BANK1: variants seen among roughly 807,000 people sequenced by gnomAD.
The protein encoded by BANK1 is B cell scaffold protein with ankyrin repeats 1.
In BANK1, 95 loss-of-function variants were observed where a neutral mutation model predicts 94.5. The observed-to-expected ratio is 1.00, with a 90% CI of 0.85 to 1.19. BANK1 has a LOEUF of 1.19. BANK1 is among the 50% of genes most tolerant of loss of function. The probability of loss-of-function intolerance (pLI) is 0.00; values close to 1 mark genes in which losing one functional copy is unlikely to be tolerated. For synonymous variants in BANK1, 334 were observed against 308.4 expected (o/e 1.08, Z -0.87); for missense variants, 987 against 932.2 (o/e 1.06, Z -0.77).
chr4:101,888,025 T>C (rs1000176838), intron 5 of BANK1, among the ~76,000 whole-genome samples: 2 of 152,224 alleles, frequency 1.3e-5, no homozygotes, highest in African/African-American at 4.8e-5. Context: ...AAACTATTTA[T>C]CAAATTTCAC....
chr4:101,903,913 G>C (rs1464378030), intron 6 of BANK1, among the ~76,000 whole-genome samples: 1 of 152,170 alleles, frequency 6.6e-6, no homozygotes, highest in Non-Finnish European at 1.5e-5. Context: ...AATTTTGCAA[G>C]TGACCAAAAC....
chr4:101,891,867 TTC>T (rs1317811132), intron 5 of BANK1, among the ~76,000 whole-genome samples: 5 of 152,070 alleles, frequency 3.3e-5, no homozygotes, highest in African/African-American at 1.2e-4. Context: ...TGCTGAGAAT[TTC>T]TGTTTTCCTG....
rs1027975200 is a variant in BANK1 at position 101,870,981 on chromosome 4, A to G, written c.903+337A>G. The stretch of plus-strand genomic sequence containing the variant: ...GAATTCCTTCTTTATTCAGATCTGC[A>G]TAACACAAAGTAAAATGAAAGTCTA... On this transcript the variant is annotated intron_variant, in intron 5 of 16. Coordinates refer to ENST00000322953, the MANE Select transcript of BANK1 (RefSeq NM_017935.5). Among the ~76,000 whole-genome samples the G allele has an allele frequency of 2.6e-5, 4 of 152,232 alleles. No individual in the cohort carries two copies. In the East Asian group the frequency reaches 7.7e-4, roughly 29 times the overall value.
chr4:101,841,046 C>CA (rs1223303368), intron 2 of BANK1, among the ~76,000 whole-genome samples: 1 of 152,168 alleles, frequency 6.6e-6, no homozygotes, highest in African/African-American at 2.4e-5. Context: ...AGGCTGGTCT[C>CA]AAACTCCTGG....
intron 7 of BANK1, among the ~76,000 whole-genome samples, chr4:101,936,042 G>A (rs1404311196): frequency 2.0e-5 from 3 of 151,242 alleles, no homozygotes; most frequent in Non-Finnish European, 4.4e-5. Context: ...GACAAACAAA[G>A]CAAAATTGGA....
At chr4:102,040,341 A>G (rs1727663618) in intron 10 of BANK1, among the ~76,000 whole-genome samples, 1 of 152,082 alleles carries the variant, frequency 6.6e-6, no homozygotes, top group Non-Finnish European at 1.5e-5. Flanking sequence ...AAAGGGTATT[A>G]TTTGGGAAAT....
At chr4:101,934,794 A>G (rs1231385865) in intron 7 of BANK1, among the ~76,000 whole-genome samples, 1 of 151,514 alleles carries the variant, frequency 6.6e-6, no homozygotes, top group East Asian at 2.0e-4. Context: ...CCATTTCAAA[A>G]CACTTTTACT....
rs1468414437 is a variant in BANK1 at position 102,074,005 on chromosome 4, G to A, written c.*6G>A. On this transcript the variant is annotated splice_region_variant and 3_prime_UTR_variant, in exon 17 of 17. Transcript: ENST00000322953. Reference sequence around the variant, plus strand: ...ACATTTCCTATTTTCTCATTTCCAGGTTATTATAATGAAACTCACGAATCT... The same window carrying A: ...ACATTTCCTATTTTCTCATTTCCAGATTATTATAATGAAACTCACGAATCT... 1.2e-5 allele frequency: 3 copies of A among 258,908 alleles called. No homozygotes were observed. Among genetic ancestry groups the A allele is most frequent in the African/African-American group, 4.5e-5 (2 of 44,848 alleles). The allele number at this position is 258,908 out of a possible 1,614,324, so 16.0% of individuals were successfully genotyped here. A position where few individuals can be genotyped will look rare whatever the true frequency, so the allele number is the denominator to read the frequency against.
At chr4:102,039,627 C>G (rs1331669148) in intron 10 of BANK1, among the ~76,000 whole-genome samples, 1 of 152,040 alleles carries the variant, frequency 6.6e-6, no homozygotes, top group African/African-American at 2.4e-5. Context: ...ATCCCTATCC[C>G]CTCTTATCAG....
At chr4:101,977,458 C>A (rs1451512661) in intron 7 of BANK1, among the ~76,000 whole-genome samples, 11 of 152,072 alleles carry the variant, frequency 7.2e-5, no homozygotes, top group Non-Finnish European at 2.9e-5. Context: ...TCACTGTGGT[C>A]GTTAAATGTG....
At position 101,978,148 on chromosome 4, in the gene BANK1, T is replaced by TA. The variant is rs201330510; in HGVS notation, c.1207-43355dup. Among the ~76,000 whole-genome samples the TA allele has an allele frequency of 4.8e-3, 703 of 145,442 alleles. 7 individuals carry two copies. The highest frequency in any genetic ancestry group is 0.016 in the African/African-American group (628 of 39,782). On this transcript the variant is annotated intron_variant, in intron 7 of 16. Coordinates refer to ENST00000322953, the MANE Select transcript of BANK1 (RefSeq NM_017935.5). ...AAGTAATAATAAAAAAGTAGGTACTTAAAAAAAAAAAGAAAAAAAGAAAAC... is the reference window on the plus strand; with the variant it reads ...AAGTAATAATAAAAAAGTAGGTACTTAAAAAAAAAAAAGAAAAAAAGAAAAC...
At chr4:101,814,321 CT>C (rs1406441250) in intron 1 of BANK1, among the ~76,000 whole-genome samples, 1 of 152,178 alleles carries the variant, frequency 6.6e-6, no homozygotes, top group Non-Finnish European at 1.5e-5. Flanking sequence ...TTTAAGTACT[CT>C]GTTTGGGTCA....
chr4:101,959,779 C>T (rs549575090), intron 7 of BANK1, among the ~76,000 whole-genome samples: 1 of 152,282 alleles, frequency 6.6e-6, no homozygotes, highest in East Asian at 1.9e-4. Flanking sequence ...ATTCATCTGT[C>T]ATGAGCTACG....
intron 10 of BANK1, among the ~76,000 whole-genome samples, chr4:102,035,644 T>C (rs1316482080): frequency 3.7e-5 from 3 of 80,234 alleles, no homozygotes; most frequent in African/African-American, 1.3e-4. Flanking sequence ...CGAGACTCCG[T>C]CTCAAAAAAA....
At chr4:102,066,467 C>T (rs1347725732) in intron 13 of BANK1, among the ~76,000 whole-genome samples, 1 of 152,068 alleles carries the variant, frequency 6.6e-6, no homozygotes, top group Non-Finnish European at 1.5e-5. Flanking sequence ...CCATGTTAGC[C>T]AGGATGGTCT....
chr4:102,042,247 C>T (rs541318791), intron 10 of BANK1, among the ~76,000 whole-genome samples: 1 of 151,938 alleles, frequency 6.6e-6, no homozygotes, highest in Non-Finnish European at 1.5e-5. Flanking sequence ...AATATCCTAA[C>T]GTATAGTCAT....
chr4:101,816,326 T>A (rs886236073), intron 1 of BANK1, among the ~76,000 whole-genome samples: 2 of 152,226 alleles, frequency 1.3e-5, no homozygotes, highest in Non-Finnish European at 2.9e-5. Flanking sequence ...AATTCTGAAA[T>A]GAAATGAACA....
intron 11 of BANK1, among the ~76,000 whole-genome samples, chr4:102,044,272 A>G (rs1263372841): frequency 6.6e-6 from 1 of 152,100 alleles, no homozygotes; most frequent in East Asian, 1.9e-4. Context: ...ATGAGTGAGA[A>G]CATGCGGTGT....
At chr4:101,872,599 G>A (rs914661800) in intron 5 of BANK1, among the ~76,000 whole-genome samples, 17 of 152,136 alleles carry the variant, frequency 1.1e-4, no homozygotes, top group Non-Finnish European at 2.2e-4. Flanking sequence ...TTGACCTCGA[G>A]GGAGTTGTCC....
Sources: gnomAD v4.1 joint callset for allele counts (sites outside exome capture counted in the v4.1 genomes callset) on GRCh38, gnomAD v4.1.1 for gene constraint, MANE v1.5 for transcripts, NCBI Gene and HGNC (gene_info 2026-07-23, HGNC 2026-07-21) for gene names.